CCDC178: variants seen among roughly 807,000 people sequenced by gnomAD.
The protein encoded by CCDC178 is coiled-coil domain containing 178, also known as coiled-coil domain-containing protein 178.
A neutral mutation model predicts 117.4 loss-of-function variants in CCDC178; 126 were observed. The ratio of observed to expected loss-of-function variants is 1.07; its 90% confidence interval spans 0.93 to 1.24. The LOEUF (loss-of-function observed/expected upper bound fraction) is 1.24, where lower values mean the gene tolerates loss of function less well. CCDC178 is among the 50% of genes most tolerant of loss of function. The pLI, the probability that CCDC178 is intolerant of heterozygous loss-of-function variation, is 0.00. For synonymous variants in CCDC178, 283 were observed against 313.4 expected (o/e 0.90, Z 1.02); for missense variants, 1,030 against 986.9 (o/e 1.04, Z -0.59).
At chr18:33,389,238 A>G (rs566630575) in intron 5 of CCDC178, among the ~76,000 whole-genome samples, 29 of 152,250 alleles carry the variant, frequency 1.9e-4, no homozygotes, top group African/African-American at 7.0e-4. Flanking sequence ...CATGTCCTCA[A>G]TGAACTGGAA....
At chr18:33,248,556 T>C (rs967641805) in intron 14 of CCDC178, among the ~76,000 whole-genome samples, 14 of 151,952 alleles carry the variant, frequency 9.2e-5, no homozygotes, top group Admixed American at 3.9e-4. Context: ...CTGAGAATGA[T>C]GGTTTCAGCT....
At chr18:33,151,501 A>G (rs1035637097) in intron 20 of CCDC178, among the ~76,000 whole-genome samples, 1 of 150,704 alleles carries the variant, frequency 6.6e-6, no homozygotes, top group Admixed American at 6.6e-5. Flanking sequence ...GTTATAGTTA[A>G]CATTCTCAAA....
At chr18:33,049,942 T>C (rs2056716171) in intron 21 of CCDC178, among the ~76,000 whole-genome samples, 1 of 151,546 alleles carries the variant, frequency 6.6e-6, no homozygotes, top group Non-Finnish European at 1.5e-5. Flanking sequence ...ATTAGCAGGG[T>C]GTGGTTCAGG....
At chr18:33,041,358 T>G (rs999528739) in intron 21 of CCDC178, among the ~76,000 whole-genome samples, 2 of 151,360 alleles carry the variant, frequency 1.3e-5, no homozygotes, top group African/African-American at 4.8e-5. Context: ...ATATAAAATT[T>G]TAAATATACA....
intron 21 of CCDC178, among the ~76,000 whole-genome samples, chr18:32,979,035 TAA>T (rs778115678): frequency 8.0e-5 from 9 of 111,992 alleles, no homozygotes; most frequent in Admixed American, 9.6e-5. Context: ...AGAATCCGTC[TAA>T]AAAAAAAAAA....
At position 33,428,604 on chromosome 18, in the gene CCDC178, C is replaced by T. The variant is rs112454570; in HGVS notation, c.-23+11358G>A. Among the ~76,000 whole-genome samples, 461 of 151,512 alleles carry T rather than the reference C, an allele frequency of 3.0e-3. 1 individual carries two copies. The highest frequency in any genetic ancestry group is 0.01 in the African/African-American group (433 of 41,300). The stretch of plus-strand genomic sequence containing the variant: ...AAAATTAGCTGGGCATGGTGGTGCA[C>T]GCCTGTAATCCCAGCTACTCGGGAG... On this transcript the variant is annotated intron_variant, in intron 2 of 22. Coordinates refer to ENST00000383096, the MANE Select transcript of CCDC178 (RefSeq NM_001105528.4).
At position 33,147,356 on chromosome 18, in the gene CCDC178, A is replaced by ATTTTTTTTTTTTTT. The variant is rs575608507; in HGVS notation, c.2239-54460_2239-54447dup. 7.8e-4 allele frequency among the ~76,000 whole-genome samples: 74 copies of ATTTTTTTTTTTTTT among 94,598 alleles called. 2 individuals carry two copies. The highest frequency in any genetic ancestry group is 2.1e-3 in the African/African-American group (45 of 21,322). The allele number at this position is 94,598 out of a possible 152,430, so 62.1% of individuals were successfully genotyped here. A position where few individuals can be genotyped will look rare whatever the true frequency, so the allele number is the denominator to read the frequency against. ...CTACTCCTGCAAGCTTGCCTTTTTA[A>ATTTTTTTTTTTTTT]TTTTTTTTTTTTTTTTTTTTTTTTT... is the stretch of plus-strand genomic sequence containing the variant. On this transcript the variant is annotated intron_variant, in intron 20 of 22. Coordinates refer to ENST00000383096, the MANE Select transcript of CCDC178 (RefSeq NM_001105528.4).
chr18:32,973,079 C>T (rs937452071), intron 22 of CCDC178, among the ~76,000 whole-genome samples: 5 of 151,898 alleles, frequency 3.3e-5, no homozygotes, highest in Non-Finnish European at 4.4e-5. Flanking sequence ...TACAAATAAG[C>T]AATTTAAAAT....
intron 21 of CCDC178, among the ~76,000 whole-genome samples, chr18:32,998,193 T>C (rs760544460): frequency 2.6e-4 from 39 of 152,158 alleles, no homozygotes; most frequent in Non-Finnish European, 5.0e-4. Flanking sequence ...TTGTGGGACT[T>C]TGCGTTGGAA....
chr18:33,132,770 A>G (rs538313461), intron 20 of CCDC178, among the ~76,000 whole-genome samples: 1 of 151,700 alleles, frequency 6.6e-6, no homozygotes, highest in Non-Finnish European at 1.5e-5. Flanking sequence ...AAATCTACAA[A>G]TAGTATGTAA....
At chr18:33,135,348 A>C (rs1409507766) in intron 20 of CCDC178, among the ~76,000 whole-genome samples, 1 of 152,138 alleles carries the variant, frequency 6.6e-6, no homozygotes, top group East Asian at 1.9e-4. Context: ...ATGGCACACA[A>C]AAAAATAATG....
rs1345703868 is a variant in CCDC178, at chr18:32,938,272, G to C, written c.2524-181C>G. On this transcript the variant is annotated intron_variant, in intron 22 of 22. Coordinates refer to ENST00000383096, the MANE Select transcript of CCDC178 (RefSeq NM_001105528.4). Reference sequence around the variant, plus strand: ...CCCCAAGGAAGAGTGATTTCTCTATGATCTAGTAAGTTCTAAAAATTAAAG... The same window carrying C: ...CCCCAAGGAAGAGTGATTTCTCTATCATCTAGTAAGTTCTAAAAATTAAAG... 9.4e-6 allele frequency: 5 copies of C among 531,590 alleles called. No individual in the cohort carries two copies. In the African/African-American group the frequency reaches 9.6e-5, roughly 10 times the overall value. The allele number at this position is 531,590 out of a possible 1,614,324, so 32.9% of individuals were successfully genotyped here.
chr18:33,414,841 A>G (rs2063910529), intron 2 of CCDC178, among the ~76,000 whole-genome samples: 1 of 152,238 alleles, frequency 6.6e-6, no homozygotes, highest in Non-Finnish European at 1.5e-5. Context: ...AAAGAACTCA[A>G]ACAAATTTAC....
chr18:33,329,966 T>C (rs1299062337), intron 10 of CCDC178, among the ~76,000 whole-genome samples: 2 of 150,654 alleles, frequency 1.3e-5, no homozygotes, highest in African/African-American at 2.4e-5. Context: ...TTTTTTTTTT[T>C]TTTGGTGGAG....
At chr18:33,292,320 C>T (rs1231407705) in intron 12 of CCDC178, among the ~76,000 whole-genome samples, 1 of 152,050 alleles carries the variant, frequency 6.6e-6, no homozygotes, top group Non-Finnish European at 1.5e-5. Context: ...ATAAGCCTAG[C>T]ACAGAAAAAT....
rs148570527 is a variant in CCDC178, at chr18:33,325,963, G to A, written c.880-2330C>T. ...CCAAAACATTTTCATCATCCCAAAG[G>A]GAAACCCTGAACTCATTAAATGGTT... On this transcript the variant is annotated intron_variant, in intron 10 of 22. Transcript: ENST00000383096. Among the ~76,000 whole-genome samples the A allele has an allele frequency of 1.8e-3, 275 of 152,140 alleles. 1 individual carries two copies. Among genetic ancestry groups the A allele is most frequent in the African/African-American group, 6.3e-3 (261 of 41,502 alleles).
At chr18:33,271,740 A>G (rs544849754) in intron 12 of CCDC178, among the ~76,000 whole-genome samples, 1 of 151,600 alleles carries the variant, frequency 6.6e-6, no homozygotes, top group East Asian at 1.9e-4. Context: ...ATGAAATTAT[A>G]AATCAATAAC....
intron 19 of CCDC178, 128 bp downstream of exon 19, chr18:33,215,422 T>A: frequency 1.7e-6 from 1 of 594,550 alleles, no homozygotes; most frequent in Non-Finnish European, 2.6e-6. Context: ...ATAACACATA[T>A]ATATTCCACA....
intron 20 of CCDC178, among the ~76,000 whole-genome samples, chr18:33,109,130 A>T (rs959153343): frequency 6.6e-6 from 1 of 151,684 alleles, no homozygotes; most frequent in African/African-American, 2.4e-5. Flanking sequence ...CAATGAACGA[A>T]ATACCTACAT....
Sources: allele counts gnomAD v4.1 joint callset (sites outside exome capture counted in the v4.1 genomes callset), GRCh38; gene constraint gnomAD v4.1.1; transcripts MANE v1.5; gene names NCBI Gene and HGNC (gene_info 2026-07-23, HGNC 2026-07-21).